CGB2: variants seen among roughly 807,000 people sequenced by gnomAD.
CGB2 encodes choriogonadotropin subunit beta variant 2.
A neutral mutation model predicts 7.1 loss-of-function variants in CGB2; 4 were observed. The ratio of observed to expected loss-of-function variants is 0.57; its 90% CI spans 0.28 to 1.29. The LOEUF (loss-of-function observed/expected upper bound fraction) is 1.29. Among genes scored for constraint, CGB2 ranks in the 50% most tolerant of loss-of-function variants. CGB2 has a pLI of 0.10. For missense variants in CGB2, 88 were observed against 224.0 expected, an observed-to-expected ratio of 0.39 and a Z score of 3.88; for synonymous variants, 51 against 100.3, an observed-to-expected ratio of 0.51 and a Z score of 2.94.
intron 1 of CGB2, 80 bp downstream of exon 1, chr19:49,032,184 C>T: frequency 6.2e-7 from 1 of 1,613,948 alleles, no homozygotes. Context: ...CACCTTCCAC[C>T]TGCTTCCAGG....
In CGB2 at chr19:49,031,988, C is replaced by G; in HGVS notation, c.-108C>G. On this transcript the variant is annotated 5_prime_UTR_variant, in exon 1 of 3. Coordinates refer to ENST00000359342, the MANE Select transcript of CGB2 (RefSeq NM_033378.2). ...GCTGACTCCGGCCGGGTTCCCGTGC[C>G]GCGTCCAACACCCCTCACTCCCTGT... 6.6e-7 allele frequency: 1 copy of G among 1,511,940 alleles called. No individual in the cohort carries two copies. The highest frequency in any genetic ancestry group is 1.1e-5 in the South Asian group (1 of 88,890). The allele number at this position is 1,511,940 out of a possible 1,614,324, so 93.7% of individuals were successfully genotyped here. A position where few individuals can be genotyped will look rare whatever the true frequency, so the allele number is the denominator to read the frequency against.
At chr19:49,032,286 G>C (rs1459607045) in intron 1 of CGB2, 182 bp downstream of exon 1, 4 of 1,590,726 alleles carry the variant, frequency 2.5e-6, no homozygotes, top group Middle Eastern at 1.8e-4. Flanking sequence ...CTTCAGGTGG[G>C]GCAGTTCCTG....
At chr19:49,032,136 G>T in intron 1 of CGB2, 32 bp downstream of exon 1, 1 of 1,613,956 alleles carries the variant, frequency 6.2e-7, no homozygotes, top group Non-Finnish European at 8.5e-7. Context: ...AGGCACCAAA[G>T]ATGGAGATGT....
In CGB2 at chr19:49,032,074, G is replaced by A; in HGVS notation, c.-22G>A. On this transcript the variant is annotated 5_prime_UTR_variant, in exon 1 of 3. Transcript: ENST00000359342. The stretch of plus-strand genomic sequence containing the variant: ...GTCCACATCCCCAGTGCTTGCGGAA[G>A]ATATCCCGCTAAGAGAGAGACATGT... 1 of 1,613,828 alleles carries A rather than the reference G, an allele frequency of 6.2e-7. No homozygotes were observed. The highest frequency in any genetic ancestry group is 1.1e-5 in the South Asian group (1 of 91,064).
chr19:49,031,983 C>G lies in CGB2; in HGVS notation c.-113C>G, dbSNP rs371513652. The G allele has an allele frequency of 8.3e-4, 1,230 of 1,485,058 alleles. 3 individuals are homozygous for G. The highest frequency in any genetic ancestry group is 1.1e-3 in the Non-Finnish European group (1,139 of 1,064,486). 92.0% of individuals were successfully genotyped at this position (1,485,058 alleles called of 1,614,324 possible). ...GGTCCGCTGACTCCGGCCGGGTTCCCGTGCCGCGTCCAACACCCCTCACTC... is the reference window on the plus strand; with the variant it reads ...GGTCCGCTGACTCCGGCCGGGTTCCGGTGCCGCGTCCAACACCCCTCACTC... On this transcript the variant is annotated 5_prime_UTR_variant, in exon 1 of 3. Coordinates refer to ENST00000359342, the MANE Select transcript of CGB2 (RefSeq NM_033378.2).
chr19:49,032,293 C>G, intron 1 of CGB2, 189 bp downstream of exon 1: 3 of 1,586,668 alleles, frequency 1.9e-6, no homozygotes, highest in Non-Finnish European at 2.6e-6. Flanking sequence ...TGGGGCAGTT[C>G]CTGAGGGTGG....
At chr19:49,032,319 G>A in intron 1 of CGB2, 185 bp from the exon 2 acceptor site, 1 of 1,574,158 alleles carries the variant, frequency 6.4e-7, no homozygotes. Context: ...TAAAATGTTG[G>A]GGTATCTGAG....
Position 49,031,892 on chromosome 19 carries a change from C to T in CGB2, c.-204C>T. 1.5e-6 allele frequency: 1 copy of T among 645,610 alleles called. No homozygotes were observed. The highest frequency in any genetic ancestry group is 2.4e-5 in the Admixed American group (1 of 41,348). 40.0% of individuals were successfully genotyped at this position (645,610 alleles called of 1,614,324 possible). Reference sequence around the variant, plus strand: ...CCCAGTCCCCAGGGCCAGTGAGGGCCCTGCGTTCCGTGGCGCCCCCTGGAG... The same window carrying T: ...CCCAGTCCCCAGGGCCAGTGAGGGCTCTGCGTTCCGTGGCGCCCCCTGGAG... On this transcript the variant is annotated 5_prime_UTR_variant, in exon 1 of 3. Transcript: ENST00000359342.
At position 49,033,219 on chromosome 19, in the gene CGB2, T is replaced by C. The variant is rs1454338129; in HGVS notation, c.490T>C (p.Ter164GlnextTer?). 4 of 1,611,610 alleles carry C rather than the reference T, an allele frequency of 2.5e-6. No individual in the cohort carries two copies. The South Asian group carries it at 4.4e-5, about 18-fold the overall frequency. The change falls in exon 3 of 3, where the codon TAA becomes CAA. Residue 164 changes from the stop codon to glutamine, a stop_lost. Transcript: ENST00000359342. ...CTCAGACACCCCGATCCTCCCACAA[T>C]AAAGGCTTCTCAATCCGCACTCTGG... ...GPSDTPILPQ* is the reference protein window; with the variant it reads ...GPSDTPILPQQ
At chr19:49,032,305 G>C (rs2073742778) in intron 1 of CGB2, 199 bp from the exon 2 acceptor site, 26 of 1,578,092 alleles carry the variant, frequency 1.6e-5, no homozygotes, top group Non-Finnish European at 2.2e-5. Context: ...TGAGGGTGGG[G>C]ATCTAAAATG....
intron 1 of CGB2, 175 bp from the exon 2 acceptor site, chr19:49,032,329 G>C: frequency 6.3e-7 from 1 of 1,574,920 alleles, no homozygotes; most frequent in Non-Finnish European, 8.6e-7. Context: ...GGGTATCTGA[G>C]ATCCTCTGGG....
rs1351395479 is a variant in CGB2 at position 49,031,965 on chromosome 19, T to A, written c.-131T>A. Reference sequence around the variant, plus strand: ...AGAGAGAGCAGCCAATTGGGTCCGCTGACTCCGGCCGGGTTCCCGTGCCGC... The same window carrying A: ...AGAGAGAGCAGCCAATTGGGTCCGCAGACTCCGGCCGGGTTCCCGTGCCGC... On this transcript the variant is annotated 5_prime_UTR_variant, in exon 1 of 3. Transcript: ENST00000359342. 3.8e-6 allele frequency: 5 copies of A among 1,310,594 alleles called. No homozygotes were observed. Among genetic ancestry groups the A allele is most frequent in the Non-Finnish European group, 5.5e-6 (5 of 910,620 alleles). 81.2% of individuals were successfully genotyped at this position (1,310,594 alleles called of 1,614,324 possible). A position where few individuals can be genotyped will look rare whatever the true frequency, so the allele number is the denominator to read the frequency against.
rs2039737629 is a variant in CGB2 at position 49,031,907 on chromosome 19, G to T, written c.-189G>T. ...CAGTGAGGGCCCTGCGTTCCGTGGC[G>T]CCCCCTGGAGGGAGGAAGGGGAACT... On this transcript the variant is annotated 5_prime_UTR_variant, in exon 1 of 3. Coordinates refer to ENST00000359342, the MANE Select transcript of CGB2 (RefSeq NM_033378.2). The T allele has an allele frequency of 2.8e-6, 2 of 717,962 alleles. No homozygotes were observed. Among genetic ancestry groups the T allele is most frequent in the Non-Finnish European group, 4.7e-6 (2 of 421,906 alleles). 44.5% of individuals were successfully genotyped at this position (717,962 alleles called of 1,614,324 possible).
In CGB2 at chr19:49,032,114, A is replaced by T. The variant is rs201727056; in HGVS notation, c.9+10A>T. 6.2e-7 allele frequency: 1 copy of T among 1,613,984 alleles called. No individual in the cohort carries two copies. The highest frequency in any genetic ancestry group is 1.7e-5 in the Admixed American group (1 of 60,024). On this transcript the variant is annotated intron_variant, in intron 1 of 2. Transcript: ENST00000359342. Reference sequence around the variant, plus strand: ...GAGAGACATGTCAAAGGTAGGGTAGATCGACATTTCCAGGCACCAAAGATG... The same window carrying T: ...GAGAGACATGTCAAAGGTAGGGTAGTTCGACATTTCCAGGCACCAAAGATG...
At chr19:49,032,222 C>T in intron 1 of CGB2, 118 bp downstream of exon 1, 2 of 1,613,398 alleles carry the variant, frequency 1.2e-6, no homozygotes, top group South Asian at 1.1e-5. Flanking sequence ...AGGGGCAGAC[C>T]AGTGTGAGCT....
intron 2 of CGB2, 83 bp downstream of exon 2, chr19:49,032,754 T>A: frequency 1.4e-6 from 1 of 693,522 alleles, no homozygotes; most frequent in Non-Finnish European, 2.2e-6. Context: ...GTGGTCTGCC[T>A]CTCTGGTCAG....
Position 49,032,032 on chromosome 19 carries a change from C to T in CGB2, c.-64C>T. The T allele has an allele frequency of 6.2e-7, 1 of 1,611,092 alleles. No individual in the cohort carries two copies. Among genetic ancestry groups the T allele is most frequent in the Non-Finnish European group, 8.5e-7 (1 of 1,177,268 alleles). ...TCCCTGTCTCACTCCCCCACGGAGA[C>T]TCAATTTACTTTCCATGTCCACATC... On this transcript the variant is annotated 5_prime_UTR_variant, in exon 1 of 3. Transcript: ENST00000359342.
chr19:49,032,390 G>A lies in CGB2; in HGVS notation c.10-114G>A, dbSNP rs547397402. On this transcript the variant is annotated intron_variant, in intron 1 of 2. Transcript: ENST00000359342. The stretch of plus-strand genomic sequence containing the variant: ...GTGTCCGGGTGGTGGGTCCTGAATA[G>A]GAGATGCCACGAAGGGTCTCTGGGT... The A allele has an allele frequency of 3.1e-5, 50 of 1,600,364 alleles. No homozygotes were observed. In the East Asian group the frequency reaches 8.0e-4, roughly 26 times the overall value.
intron 1 of CGB2, 51 bp downstream of exon 1, chr19:49,032,155 A>C: frequency 1.2e-6 from 2 of 1,613,960 alleles, no homozygotes; most frequent in Non-Finnish European, 1.7e-6. Flanking sequence ...GTTCCAGGAA[A>C]GACTGCAGGG....
Sources: gnomAD v4.1 joint callset for allele counts on GRCh38, gnomAD v4.1.1 for gene constraint, MANE v1.5 for transcripts, NCBI Gene and HGNC (gene_info 2026-07-23, HGNC 2026-07-21) for gene names.